The following MALT1 variants were observed in gnomAD, a reference collection of about 807,000 sequenced individuals.
MALT1 encodes MALT1 paracaspase.
In MALT1, 36 loss-of-function variants were observed where a neutral mutation model predicts 85.5. That is an observed-to-expected ratio of 0.42 (90% CI 0.32 to 0.56). The LOEUF (loss-of-function observed/expected upper bound fraction) is 0.56, where lower values mean the gene tolerates loss of function less well. MALT1 is among the 20% of genes least tolerant of loss of function. The pLI is 0.10. For synonymous variants in MALT1, 359 were observed against 361.3 expected, an observed-to-expected ratio of 0.99 and a Z score of 0.07; for missense variants, 716 against 981.6, an observed-to-expected ratio of 0.73 and a Z score of 3.62.
rs1225416125 is a variant in MALT1, at chr18:58,690,982, C to CG, written c.377-5384_377-5383insG. Reference sequence around the variant, plus strand: ...TAAAGTTGTGTAAGTCTCAGATTCTCAGGCATCCTTCTCTGGCCAGGCAGA... The same window carrying CG: ...TAAAGTTGTGTAAGTCTCAGATTCTCGAGGCATCCTTCTCTGGCCAGGCAGA... On this transcript the variant is annotated intron_variant, in intron 2 of 16. Transcript: ENST00000649217. 14 of 286,066 alleles carry CG rather than the reference C, an allele frequency of 4.9e-5. No homozygotes were observed. In the Admixed American group the frequency reaches 5.3e-4, roughly 11 times the overall value. The allele number at this position is 286,066 out of a possible 1,614,324, so 17.7% of individuals were successfully genotyped here. A position where few individuals can be genotyped will look rare whatever the true frequency, so the allele number is the denominator to read the frequency against.
At chr18:58,696,023 G>T (rs1251475807) in intron 2 of MALT1, among the ~76,000 whole-genome samples, 2 of 152,200 alleles carry the variant, frequency 1.3e-5, no homozygotes. Context: ...TGCCTGACAG[G>T]CATCTGTTAT....
In MALT1 at chr18:58,700,328, G is replaced by A. The variant is rs80169157; in HGVS notation, c.499-113G>A. The A allele has an allele frequency of 2.0e-3, 1,467 of 736,524 alleles. 15 individuals carry two copies. The African/African-American group carries it at 0.021, about 11-fold the overall frequency. The allele number at this position is 736,524 out of a possible 1,614,324, so 45.6% of individuals were successfully genotyped here. On this transcript the variant is annotated intron_variant, in intron 3 of 16. Transcript: ENST00000649217. Reference sequence around the variant, plus strand: ...ACTCAGAAATGTTTTAGAACTTGGGGGAAAAATGTTGCACTTTCAAAGCTT... The same window carrying A: ...ACTCAGAAATGTTTTAGAACTTGGGAGAAAAATGTTGCACTTTCAAAGCTT...
intron 3 of MALT1, among the ~76,000 whole-genome samples, chr18:58,699,510 TG>T (rs1466463088): frequency 6.6e-6 from 1 of 152,202 alleles, no homozygotes; most frequent in Non-Finnish European, 1.5e-5. Context: ...AAGTACAGGT[TG>T]AATATCCCTT....
intron 2 of MALT1, among the ~76,000 whole-genome samples, chr18:58,694,641 C>G (rs1264204759): frequency 1.3e-5 from 2 of 152,142 alleles, no homozygotes; most frequent in Non-Finnish European, 2.9e-5. Flanking sequence ...TTATCTATTG[C>G]TGCATTAATA....
chr18:58,690,618 C>T (rs1185221799), intron 2 of MALT1: 4 of 158,548 alleles, frequency 2.5e-5, no homozygotes, highest in Admixed American at 6.5e-5. Context: ...AAATTCTGTT[C>T]ACCCCGTTCA....
intron 2 of MALT1, among the ~76,000 whole-genome samples, chr18:58,685,344 G>A (rs1209260736): frequency 1.3e-5 from 2 of 152,162 alleles, no homozygotes; most frequent in African/African-American, 2.4e-5. Context: ...TTGATTAAAC[G>A]AGAAACTATA....
At chr18:58,732,501 G>A (rs754821357) in intron 10 of MALT1, among the ~76,000 whole-genome samples, 7 of 152,210 alleles carry the variant, frequency 4.6e-5, no homozygotes, top group Non-Finnish European at 1.0e-4. Flanking sequence ...AGCAATCTGC[G>A]AAGTCAGATT....
chr18:58,730,442 CAT>C (rs1013339262), intron 10 of MALT1, among the ~76,000 whole-genome samples: 5 of 152,208 alleles, frequency 3.3e-5, no homozygotes, highest in African/African-American at 4.8e-5. Flanking sequence ...TTTCACTTCA[CAT>C]GTTTTCAAAG....
At chr18:58,735,428 A>T in intron 13 of MALT1, 99 bp downstream of exon 13, 1 of 1,334,538 alleles carries the variant, frequency 7.5e-7, no homozygotes, top group Non-Finnish European at 1.0e-6. Flanking sequence ...TATTCTTATT[A>T]TGTGGGTTTG....
At chr18:58,733,362 G>GACATCTATCTCTCTC (rs1408832592) in intron 10 of MALT1, 35 bp from the exon 11 acceptor site, 5 of 1,389,962 alleles carry the variant, frequency 3.6e-6, no homozygotes, top group Admixed American at 4.1e-5. Context: ...ATTTAGAATT[G>GACATCTATCTCTCTC]ACATCTATCT....
chr18:58,750,990 A>T lies in MALT1; in HGVS notation c.*3148A>T, dbSNP rs1281978427. 6.6e-6 allele frequency: 1 copy of T among 152,206 alleles called. No homozygotes were observed. Among genetic ancestry groups the T allele is most frequent in the Non-Finnish European group, 1.5e-5 (1 of 68,036 alleles). The allele number at this position is 152,206 out of a possible 1,614,324, so 9.4% of individuals were successfully genotyped here. A position where few individuals can be genotyped will look rare whatever the true frequency, so the allele number is the denominator to read the frequency against. On this transcript the variant is annotated 3_prime_UTR_variant, in exon 17 of 17. Coordinates refer to ENST00000649217, the MANE Select transcript of MALT1 (RefSeq NM_006785.4). ...CATGTATCTGATAAAAAAACAAACAAACATGCAGGTGCTCAGCTGTGGTTA... is the reference window on the plus strand; with the variant it reads ...CATGTATCTGATAAAAAAACAAACATACATGCAGGTGCTCAGCTGTGGTTA...
intron 1 of MALT1, among the ~76,000 whole-genome samples, chr18:58,678,365 A>G (rs1483185379): frequency 6.6e-6 from 1 of 152,248 alleles, no homozygotes; most frequent in East Asian, 1.9e-4. Flanking sequence ...AGCCTTGACA[A>G]TTATGATTGA....
In MALT1 at chr18:58,748,964, A is replaced by G. The variant is rs2055410941; in HGVS notation, c.*1122A>G. On this transcript the variant is annotated 3_prime_UTR_variant, in exon 17 of 17. Transcript: ENST00000649217. ...GATACTAGACTAGACATCACAAGAA[A>G]ACTATAAGCCAATATTCCTTATTAA... 4.8e-6 allele frequency: 1 copy of G among 207,502 alleles called. No homozygotes were observed. The highest frequency in any genetic ancestry group is 9.8e-6 in the Non-Finnish European group (1 of 101,672). 12.9% of individuals were successfully genotyped at this position (207,502 alleles called of 1,614,324 possible).
In MALT1 at chr18:58,729,620, TATAAA is replaced by T. The variant is rs2144447012; in HGVS notation, c.1223-3772_1223-3768del. 2.0e-5 allele frequency among the ~76,000 whole-genome samples: 3 copies of T among 152,302 alleles called. No homozygotes were observed. In the South Asian group the frequency reaches 6.2e-4, roughly 32 times the overall value. ...ATCTTTGTAATTTAATTTTCTCATC[TATAAA>T]ATAAGGGCAGAAATCACTTAAAGTT... On this transcript the variant is annotated intron_variant, in intron 10 of 16. Coordinates refer to ENST00000649217, the MANE Select transcript of MALT1 (RefSeq NM_006785.4).
intron 1 of MALT1, among the ~76,000 whole-genome samples, chr18:58,676,362 TA>T (rs201928321): frequency 3.3e-5 from 5 of 150,258 alleles, no homozygotes; most frequent in African/African-American, 7.3e-5. Context: ...TAGACCCCAT[TA>T]AAAAAAAATG....
intron 13 of MALT1, among the ~76,000 whole-genome samples, chr18:58,739,926 G>T (rs980282809): frequency 6.6e-6 from 1 of 152,160 alleles, no homozygotes; most frequent in African/African-American, 2.4e-5. Flanking sequence ...GGGAACTTTT[G>T]TATAAATTAT....
intron 9 of MALT1, among the ~76,000 whole-genome samples, chr18:58,717,278 T>C (rs2054915398): frequency 6.7e-6 from 1 of 150,284 alleles, no homozygotes; most frequent in African/African-American, 2.5e-5. Context: ...CAGAAGAATC[T>C]CTTGAACCCG....
chr18:58,693,915 T>C (rs2054550420), intron 2 of MALT1, among the ~76,000 whole-genome samples: 1 of 152,262 alleles, frequency 6.6e-6, no homozygotes, highest in African/African-American at 2.4e-5. Context: ...CTTTTTCCTG[T>C]CACATCGAAA....
intron 15 of MALT1, among the ~76,000 whole-genome samples, chr18:58,745,310 C>T (rs1291257549): frequency 6.6e-6 from 1 of 152,162 alleles, no homozygotes; most frequent in Non-Finnish European, 1.5e-5. Context: ...TTCCCTGCAC[C>T]TTCCCAAAAG....
Sources: allele counts gnomAD v4.1 joint callset (sites outside exome capture counted in the v4.1 genomes callset), GRCh38; gene constraint gnomAD v4.1.1; transcripts MANE v1.5; gene names NCBI Gene and HGNC (gene_info 2026-07-23, HGNC 2026-07-21).